SLC44A2: variants seen among roughly 807,000 people sequenced by gnomAD.
The protein encoded by SLC44A2 is solute carrier family 44 member 2 (CTL2 blood group), also known as choline transporter-like protein 2.
A neutral mutation model predicts 90.8 loss-of-function variants in SLC44A2; 57 were observed. The observed-to-expected ratio is 0.63, with a 90% CI of 0.51 to 0.78. The LOEUF (loss-of-function observed/expected upper bound fraction) is 0.78, where lower values mean the gene tolerates loss of function less well. SLC44A2 is among the 30% of genes least tolerant of loss of function. The pLI is 0.00. For missense variants in SLC44A2, 794 were observed against 919.7 expected (o/e 0.86, Z 1.77); for synonymous variants, 355 against 360.7 (o/e 0.98, Z 0.18).
intron 1 of SLC44A2, among the ~76,000 whole-genome samples, chr19:10,619,975 C>T (rs2066884908): frequency 6.6e-6 from 1 of 151,788 alleles, no homozygotes; most frequent in Non-Finnish European, 1.5e-5. Flanking sequence ...TGCAAATCTC[C>T]AACCTGGGCA....
intron 1 of SLC44A2, among the ~76,000 whole-genome samples, chr19:10,607,543 G>T (rs969801421): frequency 2.7e-5 from 4 of 145,548 alleles, no homozygotes; most frequent in African/African-American, 1.0e-4. Context: ...TTTTTTAGAG[G>T]CAGGGTCTCA....
Position 10,632,265 on chromosome 19 carries a change from G to A in SLC44A2, c.823+109G>A. 5.3e-6 allele frequency: 5 copies of A among 940,024 alleles called. No homozygotes were observed. The South Asian group carries it at 7.2e-5, about 13-fold the overall frequency. The allele number at this position is 940,024 out of a possible 1,614,324, so 58.2% of individuals were successfully genotyped here. ...AACAAAAAAAAGTCAGGCCGGGCGT[G>A]GTGGCTCACGCCTGTAATCCCAGCA... On this transcript the variant is annotated intron_variant, in intron 10 of 21. Coordinates refer to ENST00000335757, the MANE Select transcript of SLC44A2 (RefSeq NM_020428.4).
At chr19:10,636,903 TTGGCG>T in intron 16 of SLC44A2, 147 bp downstream of exon 16, 1 of 817,368 alleles carries the variant, frequency 1.2e-6, no homozygotes, top group East Asian at 2.7e-5. Flanking sequence ...AGTTCAGGAG[TTGGCG>T]TGATTGAGTC....
chr19:10,638,406 G>GAAACAGCC, intron 20 of SLC44A2, 91 bp downstream of exon 20: 1 of 1,173,718 alleles, frequency 8.5e-7, no homozygotes, highest in Non-Finnish European at 1.3e-6. Context: ...GTGGATAGAG[G>GAAACAGCC]TCAGAGGTGG....
At chr19:10,628,369 G>A (rs1177477121) in intron 4 of SLC44A2, among the ~76,000 whole-genome samples, 1 of 152,166 alleles carries the variant, frequency 6.6e-6, no homozygotes, top group East Asian at 1.9e-4. Flanking sequence ...CTGGGGCACA[G>A]AGTGAGACTC....
rs141614645 is a variant in SLC44A2, at chr19:10,636,692, G to A, written c.1527G>A (p.Ala509=). Residue 509 remains alanine (A), a synonymous_variant, in exon 16 of 22, where the codon GCG becomes GCA. Transcript: ENST00000335757. ...RYHTGSLAFG[A]LILAIVQIIR... is the part of the protein sequence containing the mutation. ...ACACAGGCTCCCTGGCCTTTGGCGC[G>A]CTCATCCTGGCCATTGTGCAGATCA... 5.3e-5 allele frequency: 85 copies of A among 1,613,818 alleles called. No homozygotes were observed. The Admixed American group carries it at 1.4e-3, about 26-fold the overall frequency.
chr19:10,622,224 A>C (rs576504662), upstream of SLC44A2, among the ~76,000 whole-genome samples: 144 of 152,248 alleles, frequency 9.5e-4, no homozygotes, highest in Non-Finnish European at 1.5e-3. Context: ...GGCTGAACAG[A>C]GTAAGCCATG....
chr19:10,620,429 C>T (rs545933463), intron 1 of SLC44A2, among the ~76,000 whole-genome samples: 3 of 152,054 alleles, frequency 2.0e-5, no homozygotes, highest in African/African-American at 4.8e-5. Flanking sequence ...GAGCCAAGAT[C>T]GGGCAACAGA....
chr19:10,608,300 A>G (rs909966801), intron 1 of SLC44A2, among the ~76,000 whole-genome samples: 2 of 150,562 alleles, frequency 1.3e-5, no homozygotes, highest in Non-Finnish European at 2.9e-5. Context: ...AGTTGAAGGG[A>G]TCCTCCCGCC....
At chr19:10,609,061 G>T (rs139344023) in intron 1 of SLC44A2, among the ~76,000 whole-genome samples, 6 of 149,360 alleles carry the variant, frequency 4.0e-5, no homozygotes, top group Non-Finnish European at 5.9e-5. Context: ...GGGTTCAAGC[G>T]ATTCTTCTGC....
At chr19:10,639,969 G>A (rs1032091771) in intron 20 of SLC44A2, among the ~76,000 whole-genome samples, 1 of 151,978 alleles carries the variant, frequency 6.6e-6, no homozygotes, top group Admixed American at 6.6e-5. Context: ...TTGTATCTCA[G>A]TGTAGGTCTT....
chr19:10,617,623 G>A (rs1407707900), intron 1 of SLC44A2, among the ~76,000 whole-genome samples: 3 of 152,174 alleles, frequency 2.0e-5, no homozygotes, highest in African/African-American at 7.2e-5. Context: ...GCCCTGTCAT[G>A]CTCCTGCTCA....
At position 10,636,556 on chromosome 19, in the gene SLC44A2, G is replaced by A. The variant is rs1212755756; in HGVS notation, c.1467G>A (p.Pro489=). 3.7e-6 allele frequency: 6 copies of A among 1,606,790 alleles called. No individual in the cohort carries two copies. The highest frequency in any genetic ancestry group is 1.3e-5 in the African/African-American group (1 of 74,894). ...LRKPDDLPAF[P]LFSAFGRALR... ...AGCCGGACGACCTGCCGGCCTTCCCGCTCTTCTCTGCCTTTGGCCGGGCGC... is the reference window on the plus strand; with the variant it reads ...AGCCGGACGACCTGCCGGCCTTCCCACTCTTCTCTGCCTTTGGCCGGGCGC... The change falls in exon 15 of 22, where the codon CCG becomes CCA. Residue 489 remains proline, a synonymous_variant. Transcript: ENST00000335757.
intron 1 of SLC44A2, among the ~76,000 whole-genome samples, chr19:10,603,792 T>C (rs1599563926): frequency 1.3e-5 from 2 of 152,232 alleles, no homozygotes; most frequent in African/African-American, 4.8e-5. Context: ...TGGCAGGCTG[T>C]CTCTGACCTG....
chr19:10,635,406 C>T (rs1476245035), intron 13 of SLC44A2, 25 bp from the exon 14 acceptor site: 2 of 1,613,708 alleles, frequency 1.2e-6, no homozygotes, highest in African/African-American at 1.3e-5. Flanking sequence ...AGTCCTAGAC[C>T]TCTGCTTCCT....
intron 1 of SLC44A2, among the ~76,000 whole-genome samples, chr19:10,609,790 C>T (rs1215933410): frequency 1.3e-5 from 2 of 151,840 alleles, no homozygotes; most frequent in African/African-American, 2.4e-5. Context: ...ATGTACAGAT[C>T]TATGATGTTA....
At chr19:10,642,198 G>T in intron 20 of SLC44A2, 169 bp from the exon 21 acceptor site, 10 of 564,124 alleles carry the variant, frequency 1.8e-5, no homozygotes, top group Non-Finnish European at 2.6e-5. Context: ...AGAGGATTTT[G>T]TGTGGATGGT....
At chr19:10,634,949 C>T in intron 11 of SLC44A2, 25 bp from the exon 12 acceptor site, 1 of 1,614,130 alleles carries the variant, frequency 6.2e-7, no homozygotes, top group Non-Finnish European at 8.5e-7. Context: ...GGGAGCCCAG[C>T]CGGCTCAGCC....
chr19:10,606,189 T>C (rs1201955661), intron 1 of SLC44A2, among the ~76,000 whole-genome samples: 1 of 151,850 alleles, frequency 6.6e-6, no homozygotes, highest in Non-Finnish European at 1.5e-5. Flanking sequence ...TTCCAGCTAC[T>C]TGGGAGGCTG....
Sources: allele counts gnomAD v4.1 joint callset (sites outside exome capture counted in the v4.1 genomes callset), GRCh38; gene constraint gnomAD v4.1.1; transcripts MANE v1.5; gene names NCBI Gene and HGNC (gene_info 2026-07-23, HGNC 2026-07-21).